IFT81: variants seen among roughly 807,000 people sequenced by gnomAD.
IFT81 encodes intraflagellar transport 81, also known as intraflagellar transport protein 81 homolog.
A neutral mutation model predicts 102.6 loss-of-function variants in IFT81; 72 were observed. The ratio of observed to expected loss-of-function variants is 0.70; its 90% confidence interval spans 0.58 to 0.85. The LOEUF is 0.85. Among genes scored for constraint, IFT81 ranks in the 40% least tolerant of loss-of-function variants. The pLI, the probability that IFT81 is intolerant of heterozygous loss-of-function variation, is 0.00. For missense variants in IFT81, 723 were observed against 787.3 expected, an observed-to-expected ratio of 0.92 and a Z score of 0.98; for synonymous variants, 237 against 242.7, an observed-to-expected ratio of 0.98 and a Z score of 0.22.
chr12:110,186,298 G>T (rs1385774527), intron 12 of IFT81, among the ~76,000 whole-genome samples: 1 of 151,794 alleles, frequency 6.6e-6, no homozygotes, highest in Non-Finnish European at 1.5e-5. Context: ...GTTATTCTCT[G>T]GTTTGTAAGA....
intron 17 of IFT81, among the ~76,000 whole-genome samples, chr12:110,206,939 T>G (rs1438543457): frequency 6.6e-6 from 1 of 152,120 alleles, no homozygotes; most frequent in Non-Finnish European, 1.5e-5. Flanking sequence ...TTTTTATAAA[T>G]TAAGTTCTAT....
intron 10 of IFT81, among the ~76,000 whole-genome samples, chr12:110,160,764 C>T (rs1025172834): frequency 6.6e-6 from 1 of 152,170 alleles, no homozygotes; most frequent in Non-Finnish European, 1.5e-5. Flanking sequence ...TTCCTTATGT[C>T]TTCCGACTGA....
intron 10 of IFT81, among the ~76,000 whole-genome samples, chr12:110,149,957 A>G (rs895713632): frequency 2.6e-5 from 4 of 152,060 alleles, no homozygotes; most frequent in Non-Finnish European, 5.9e-5. Context: ...GCCTGTCCTC[A>G]CCTAGGTCCA....
At position 110,191,168 on chromosome 12, in the gene IFT81, CT is replaced by C. The variant is rs878915407; in HGVS notation, c.1467+134del. ...ATTTCTGCACATTACATTCTTTCAT[CT>C]TTTTTTTTTTTTTCTTTTTGAGGCA... is the stretch of plus-strand genomic sequence containing the variant. On this transcript the variant is annotated intron_variant, in intron 13 of 18. Coordinates refer to ENST00000242591, the MANE Select transcript of IFT81 (RefSeq NM_014055.4). The C allele has an allele frequency of 0.16, 94,373 of 604,990 alleles. 104 individuals are homozygous for C. The highest frequency in any genetic ancestry group is 0.19 in the South Asian group (7,027 of 36,832). The allele number at this position is 604,990 out of a possible 1,614,324, so 37.5% of individuals were successfully genotyped here.
intron 17 of IFT81, 23 bp downstream of exon 17, chr12:110,205,703 A>G: frequency 7.0e-7 from 1 of 1,420,330 alleles, no homozygotes; most frequent in South Asian, 1.3e-5. Flanking sequence ...GTTGTTTTAT[A>G]TTGAGATACT....
At chr12:110,154,269 A>C (rs913812854) in intron 10 of IFT81, among the ~76,000 whole-genome samples, 1 of 151,222 alleles carries the variant, frequency 6.6e-6, no homozygotes, top group Non-Finnish European at 1.5e-5. Context: ...AGAGCTTGCA[A>C]TGAGCCGAGA....
chr12:110,132,304 A>C (rs1894208414), intron 4 of IFT81, among the ~76,000 whole-genome samples: 1 of 152,048 alleles, frequency 6.6e-6, no homozygotes, highest in South Asian at 2.1e-4. Flanking sequence ...TACTAAAAAT[A>C]CAAAAATTAG....
At chr12:110,175,114 A>C (rs1896984077) in intron 11 of IFT81, among the ~76,000 whole-genome samples, 1 of 152,164 alleles carries the variant, frequency 6.6e-6, no homozygotes, top group South Asian at 2.1e-4. Flanking sequence ...GCCCAGTAGC[A>C]AGCTTTGTAG....
At position 110,134,940 on chromosome 12, in the gene IFT81, C is replaced by G. The variant is rs756493558; in HGVS notation, c.520-8C>G. 2 of 1,605,020 alleles carry G rather than the reference C, an allele frequency of 1.2e-6. No homozygotes were observed. Among genetic ancestry groups the G allele is most frequent in the Non-Finnish European group, 8.5e-7 (1 of 1,176,362 alleles). On this transcript the variant is annotated splice_polypyrimidine_tract_variant and splice_region_variant and intron_variant, in intron 5 of 18. Coordinates refer to ENST00000242591, the MANE Select transcript of IFT81 (RefSeq NM_014055.4). Reference sequence around the variant, plus strand: ...TTTTCTTATAAGGTCTTCTTTGCCACTTTTTAGGATATCAGTGCAATGGAA... The same window carrying G: ...TTTTCTTATAAGGTCTTCTTTGCCAGTTTTTAGGATATCAGTGCAATGGAA...
chr12:110,165,139 G>T (rs1473639549), intron 11 of IFT81, among the ~76,000 whole-genome samples: 1 of 151,920 alleles, frequency 6.6e-6, no homozygotes, highest in South Asian at 2.1e-4. Flanking sequence ...TCATCATTTG[G>T]AAATGATAAC....
intron 9 of IFT81, among the ~76,000 whole-genome samples, chr12:110,145,762 T>C (rs1456983730): frequency 2.0e-5 from 3 of 151,206 alleles, no homozygotes; most frequent in African/African-American, 7.3e-5. Context: ...TTAATTTACT[T>C]AGAAAAATTA....
chr12:110,155,564 G>A (rs928269254), intron 10 of IFT81, among the ~76,000 whole-genome samples: 7 of 152,134 alleles, frequency 4.6e-5, no homozygotes, highest in African/African-American at 7.2e-5. Context: ...TGCCCACTTC[G>A]GCCTCCCAAA....
At chr12:110,155,843 A>T (rs1300382316) in intron 10 of IFT81, among the ~76,000 whole-genome samples, 1 of 151,902 alleles carries the variant, frequency 6.6e-6, no homozygotes, top group South Asian at 2.1e-4. Flanking sequence ...TGTATATTCT[A>T]TAGCTATTTT....
At chr12:110,181,119 A>G (rs866414792) in intron 12 of IFT81, among the ~76,000 whole-genome samples, 6 of 152,176 alleles carry the variant, frequency 3.9e-5, no homozygotes, top group African/African-American at 7.2e-5. Flanking sequence ...TTCACCAACG[A>G]GGAAACTTTC....
Position 110,129,081 on chromosome 12 carries a change from T to C in IFT81, c.380T>C (p.Val127Ala), listed in dbSNP as rs1200323508. 1.6e-5 allele frequency: 26 copies of C among 1,606,336 alleles called. No individual in the cohort carries two copies. The highest frequency in any genetic ancestry group is 2.1e-5 in the Non-Finnish European group (25 of 1,177,966). Reference sequence around the variant, plus strand: ...GCTCGTTTTTTAATAAAACTTGAGGTACCAAGTGAGTTTCTTCAGGATGAA... The same window carrying C: ...GCTCGTTTTTTAATAAAACTTGAGGCACCAAGTGAGTTTCTTCAGGATGAA... ...YLARFLIKLE[V>A]PSEFLQDETV... is the part of the protein sequence containing the mutation. The change falls in exon 4 of 19, where the codon GTA becomes GCA. Residue 127 changes from valine to alanine, a missense_variant. Val to Ala is a moderately conservative substitution (Grantham distance 64). Transcript: ENST00000242591.
At chr12:110,136,292 T>G (rs1566106463) in intron 7 of IFT81, among the ~76,000 whole-genome samples, 1 of 152,258 alleles carries the variant, frequency 6.6e-6, no homozygotes, top group Non-Finnish European at 1.5e-5. Context: ...ATATTTCACA[T>G]AAGCTTCATT....
At chr12:110,200,599 G>T (rs559367333) in intron 14 of IFT81, among the ~76,000 whole-genome samples, 36 of 152,152 alleles carry the variant, frequency 2.4e-4, no homozygotes, top group African/African-American at 7.7e-4. Flanking sequence ...GTACACTTAG[G>T]CTACTCTAAA....
intron 6 of IFT81, 138 bp downstream of exon 6, chr12:110,135,151 T>TC: frequency 1.3e-6 from 1 of 761,490 alleles, no homozygotes; most frequent in South Asian, 1.8e-5. Context: ...GAAAAGGGAA[T>TC]CTCTCTAGAC....
chr12:110,158,687 T>C (rs564495658), intron 10 of IFT81, among the ~76,000 whole-genome samples: 83 of 152,254 alleles, frequency 5.5e-4, no homozygotes, highest in African/African-American at 2.0e-3. Flanking sequence ...CCTCCCAGGT[T>C]CACGCCATTC....
Sources: gnomAD v4.1 joint callset for allele counts (sites outside exome capture counted in the v4.1 genomes callset) on GRCh38, gnomAD v4.1.1 for gene constraint, MANE v1.5 for transcripts, NCBI Gene and HGNC (gene_info 2026-07-23, HGNC 2026-07-21) for gene names.